Variants in WDR27 observed in about 807,000 individuals in gnomAD.
WDR27 encodes WD repeat domain 27.
WDR27 carries 100 observed loss-of-function variants against 114.4 expected under a neutral mutation model. The ratio of observed to expected loss-of-function variants is 0.87; its 90% confidence interval spans 0.74 to 1.03. The LOEUF is 1.03. WDR27 is among the 50% of genes least tolerant of loss of function. The probability of loss-of-function intolerance (pLI) is 0.00; values close to 1 mark genes in which losing one functional copy is unlikely to be tolerated. For synonymous variants in WDR27, 449 were observed against 423.1 expected (o/e 1.06, Z -0.75); for missense variants, 1,129 against 1,092.9 (o/e 1.03, Z -0.47).
chr6:169,596,343 T>C (rs1264646395), intron 23 of WDR27, among the ~76,000 whole-genome samples: 1 of 152,082 alleles, frequency 6.6e-6, no homozygotes, highest in African/African-American at 2.4e-5. Context: ...TTGTATCCTT[T>C]TTCCCTATTG....
At position 169,580,966 on chromosome 6, in the gene WDR27, T is replaced by TATATATATATATAA. The variant is rs1803298354; in HGVS notation, c.2523+1869_2523+1870insTTATATATATATAT. ...ATATATATATATACATATATATATA[T>TATATATATATATAA]ATAAATTCGGTATATGATATCATTA... On this transcript the variant is annotated intron_variant, in intron 24 of 25. Transcript: ENST00000448612. 4.1e-5 allele frequency among the ~76,000 whole-genome samples: 6 copies of TATATATATATATAA among 147,936 alleles called. No homozygotes were observed. The South Asian group carries it at 1.1e-3, about 26-fold the overall frequency.
At chr6:169,446,966 G>A in the WDR27 span, among the ~76,000 whole-genome samples, 1 of 152,218 alleles carries the variant, frequency 6.6e-6, no homozygotes, top group African/African-American at 2.4e-5. Flanking sequence ...AAAATGGGCT[G>A]AGAAGCATGT....
chr6:169,692,908 C>A (rs1027094390), intron 1 of WDR27, among the ~76,000 whole-genome samples: 7 of 152,156 alleles, frequency 4.6e-5, no homozygotes. Flanking sequence ...TGCTCATCAC[C>A]TGAGAAACCA....
chr6:169,645,023 T>TAAAAAAAAAAAAAAAA (rs776362942), intron 16 of WDR27, among the ~76,000 whole-genome samples: 4 of 46,972 alleles, frequency 8.5e-5, no homozygotes, highest in Non-Finnish European at 1.6e-4. Context: ...AAAAAAAAAA[T>TAAAAAAAAAAAAAAAA]AAAAAAAAAA....
chr6:169,551,387 C>A (rs186446602), intron 25 of WDR27, among the ~76,000 whole-genome samples: 1 of 152,264 alleles, frequency 6.6e-6, no homozygotes, highest in East Asian at 1.9e-4. Flanking sequence ...TGATTTACTC[C>A]AGGCACCTCC....
intron 8 of WDR27, among the ~76,000 whole-genome samples, 176 bp downstream of exon 8, chr6:169,663,990 G>A (rs1185695956): frequency 1.3e-5 from 2 of 152,190 alleles, no homozygotes; most frequent in Non-Finnish European, 2.9e-5. Flanking sequence ...TCCATCTGCT[G>A]ATGGCCCACC....
At chr6:169,627,266 C>T (rs1198481052) in intron 21 of WDR27, among the ~76,000 whole-genome samples, 1 of 152,176 alleles carries the variant, frequency 6.6e-6, no homozygotes, top group East Asian at 1.9e-4. Flanking sequence ...ATATAAACAT[C>T]TTTTTAAAAA....
chr6:169,528,742 G>T (rs1795233770), intron 25 of WDR27, among the ~76,000 whole-genome samples: 1 of 152,174 alleles, frequency 6.6e-6, no homozygotes, highest in Non-Finnish European at 1.5e-5. Flanking sequence ...GGCCAGGCAG[G>T]TCTCGAACTC....
At chr6:169,603,151 CTTTTT>C (rs11285980) in intron 22 of WDR27, among the ~76,000 whole-genome samples, 1 of 136,666 alleles carries the variant, frequency 7.3e-6, no homozygotes, top group Non-Finnish European at 1.6e-5. Context: ...CAAGATAATT[CTTTTT>C]TTTTTTTTTT....
Position 169,496,079 on chromosome 6 carries a change from G to A in WDR27, c.2646-38445C>T, listed in dbSNP as rs116771499. ...AAGGATTACAAACCATGATCAACTGGGATTTACTCCTAAAATGCAAGGATG... is the reference window on the plus strand; with the variant it reads ...AAGGATTACAAACCATGATCAACTGAGATTTACTCCTAAAATGCAAGGATG... On this transcript the variant is annotated intron_variant, in intron 25 of 25. Transcript: ENST00000448612. 2.7e-3 allele frequency among the ~76,000 whole-genome samples: 404 copies of A among 151,860 alleles called. 1 individual carries two copies. Among genetic ancestry groups the A allele is most frequent in the African/African-American group, 7.7e-3 (319 of 41,400 alleles).
In WDR27 at chr6:169,554,035, A is replaced by G. The variant is rs139659821; in HGVS notation, c.2645+18384T>C. On this transcript the variant is annotated intron_variant, in intron 25 of 25. Transcript: ENST00000448612. ...TTTAAGTCACTTTTTTTAGTGTGCT[A>G]TTGTTCTAGTTCTGCTACAATTTCG... Among the ~76,000 whole-genome samples the G allele has an allele frequency of 5.3e-4, 81 of 152,316 alleles. No individual in the cohort carries two copies. The East Asian group carries it at 0.015, about 28-fold the overall frequency.
At chr6:169,493,457 A>G (rs1790023707) in intron 25 of WDR27, among the ~76,000 whole-genome samples, 1 of 152,150 alleles carries the variant, frequency 6.6e-6, no homozygotes. Flanking sequence ...TGACAGCTCA[A>G]TCAACTGTCT....
chr6:169,585,054 T>C (rs528127350), intron 23 of WDR27, among the ~76,000 whole-genome samples: 1 of 152,264 alleles, frequency 6.6e-6, no homozygotes, highest in East Asian at 1.9e-4. Context: ...GAGGACACAA[T>C]GAGGAAAGGA....
In WDR27 at chr6:169,659,582, C is replaced by A; in HGVS notation, c.1130-64G>T. 1 of 1,499,416 alleles carries A rather than the reference C, an allele frequency of 6.7e-7. No homozygotes were observed. Among genetic ancestry groups the A allele is most frequent in the South Asian group, 1.2e-5 (1 of 83,466 alleles). The allele number at this position is 1,499,416 out of a possible 1,614,324, so 92.9% of individuals were successfully genotyped here. On this transcript the variant is annotated intron_variant, in intron 10 of 25. Coordinates refer to ENST00000448612, the MANE Select transcript of WDR27 (RefSeq NM_182552.5). The surrounding 1 kb of genome is among the most constrained non-coding windows in gnomAD (Gnocchi z 4.3). ...GGGAGGTAGCACATACACACGGAGT[C>A]ACTGCCCAGAGCCCACCACACACAG...
intron 1 of WDR27, among the ~76,000 whole-genome samples, chr6:169,698,861 G>A (rs1277172922): frequency 6.6e-6 from 1 of 152,216 alleles, no homozygotes; most frequent in East Asian, 1.9e-4. Context: ...CTGGACTGTT[G>A]TGTAAGCAAG....
chr6:169,648,285 C>G (rs536646830), intron 15 of WDR27, among the ~76,000 whole-genome samples: 185 of 152,280 alleles, frequency 1.2e-3, no homozygotes, highest in African/African-American at 4.1e-3. Flanking sequence ...CATGCCAATG[C>G]CTTCCGTGCA....
At chr6:169,561,075 A>T (rs928035316) in intron 25 of WDR27, among the ~76,000 whole-genome samples, 2 of 152,146 alleles carry the variant, frequency 1.3e-5, no homozygotes, top group African/African-American at 2.4e-5. Flanking sequence ...CTGTCACAAA[A>T]ATGCCATAAA....
intron 23 of WDR27, among the ~76,000 whole-genome samples, chr6:169,599,416 T>G (rs972432644): frequency 1.3e-5 from 2 of 152,224 alleles, no homozygotes; most frequent in Non-Finnish European, 2.9e-5. Context: ...GGTAAGCTAT[T>G]AATTATTGCC....
At chr6:169,637,780 C>A (rs7774252) in intron 18 of WDR27, among the ~76,000 whole-genome samples, 39 of 147,224 alleles carry the variant, frequency 2.6e-4, no homozygotes, top group African/African-American at 9.6e-4. Context: ...CATCTATATG[C>A]GTGTGCCTAC....
Sources: allele counts gnomAD v4.1 joint callset (sites outside exome capture counted in the v4.1 genomes callset), GRCh38; gene constraint gnomAD v4.1.1; non-coding constraint Gnocchi (gnomAD v3.1); transcripts MANE v1.5; gene names NCBI Gene and HGNC (gene_info 2026-07-23, HGNC 2026-07-21).